Variants in NENF observed in about 807,000 individuals in gnomAD.
NENF encodes the protein neudesin.
NENF carries 6 observed loss-of-function variants against 14.8 expected under a neutral mutation model. That is an observed-to-expected ratio of 0.40 (90% CI 0.22 to 0.80). The LOEUF is 0.80. NENF is among the 30% of genes least tolerant of loss of function. The pLI is 0.34. For missense variants in NENF, 184 were observed against 212.7 expected (o/e 0.87, Z 0.84); for synonymous variants, 76 against 95.1 (o/e 0.80, Z 1.17).
rs1336073327 is a variant in NENF at position 212,446,298 on chromosome 1, T to C, written c.*292T>C. On this transcript the variant is annotated 3_prime_UTR_variant, in exon 4 of 4. Coordinates refer to ENST00000366988, the MANE Select transcript of NENF (RefSeq NM_013349.5). ...TTGAGCGACCTTTACTTTATACTTT[T>C]CTGTGCTTGACAGATTTTCAGCCAT... The C allele has an allele frequency of 3.1e-6, 1 of 324,412 alleles. No individual in the cohort carries two copies. The highest frequency in any genetic ancestry group is 7.0e-5 in the South Asian group (1 of 14,278). The allele number at this position is 324,412 out of a possible 1,614,324, so 20.1% of individuals were successfully genotyped here. A position where few individuals can be genotyped will look rare whatever the true frequency, so the allele number is the denominator to read the frequency against.
At chr1:212,443,566 T>A (rs1210175546) in intron 2 of NENF, among the ~76,000 whole-genome samples, 1 of 152,050 alleles carries the variant, frequency 6.6e-6, no homozygotes. Flanking sequence ...ATTTTTGTAT[T>A]TTTAGTAGAG....
chr1:212,443,109 T>C (rs779782542), intron 2 of NENF, among the ~76,000 whole-genome samples: 20 of 152,158 alleles, frequency 1.3e-4, no homozygotes, highest in Non-Finnish European at 2.4e-4. Flanking sequence ...GGGGCTTTTT[T>C]CCCCTGATAA....
intron 1 of NENF, among the ~76,000 whole-genome samples, chr1:212,438,736 C>A (rs1451637429): frequency 6.6e-6 from 1 of 151,758 alleles, no homozygotes. Context: ...TCTGCCTCAG[C>A]CTCCCCAGTA....
intron 3 of NENF, 42 bp from the exon 4 acceptor site, chr1:212,445,788 C>T (rs1481833850): frequency 6.2e-7 from 1 of 1,608,032 alleles, no homozygotes; most frequent in Non-Finnish European, 8.5e-7. Flanking sequence ...ACACTATCCA[C>T]TTAACCCCAT....
rs531437747 is a variant in NENF, at chr1:212,432,929, C to A, written c.-15C>A. 5.8e-6 allele frequency: 4 copies of A among 690,364 alleles called. No homozygotes were observed. In the South Asian group the frequency reaches 2.0e-4, roughly 34 times the overall value. The allele number at this position is 690,364 out of a possible 1,614,324, so 42.8% of individuals were successfully genotyped here. On this transcript the variant is annotated 5_prime_UTR_variant, in exon 1 of 4. Coordinates refer to ENST00000366988, the MANE Select transcript of NENF (RefSeq NM_013349.5). ...GCCGCCCTGGCCCGGCCTTGCCTTG[C>A]GCTGCGCGCTCACCATGGTGGGCCC...
chr1:212,432,941 A>T lies in NENF; in HGVS notation c.-3A>T. On this transcript the variant is annotated 5_prime_UTR_variant, in exon 1 of 4. Transcript: ENST00000366988. ...CGGCCTTGCCTTGCGCTGCGCGCTC[A>T]CCATGGTGGGCCCCGCGCCGCGGCG... The T allele has an allele frequency of 1.3e-6, 1 of 799,454 alleles. No homozygotes were observed. Among genetic ancestry groups the T allele is most frequent in the Non-Finnish European group, 1.6e-6 (1 of 639,258 alleles). 49.5% of individuals were successfully genotyped at this position (799,454 alleles called of 1,614,324 possible). A position where few individuals can be genotyped will look rare whatever the true frequency, so the allele number is the denominator to read the frequency against.
intron 3 of NENF, among the ~76,000 whole-genome samples, chr1:212,444,881 G>T (rs1422632045): frequency 6.6e-6 from 1 of 152,108 alleles, no homozygotes; most frequent in Admixed American, 6.6e-5. Flanking sequence ...GGCCATGCTT[G>T]GTAGCTTTGT....
intron 1 of NENF, among the ~76,000 whole-genome samples, chr1:212,436,596 C>G (rs892020086): frequency 3.3e-5 from 5 of 152,182 alleles, no homozygotes; most frequent in African/African-American, 1.2e-4. Context: ...GCGTAAGCCA[C>G]TGTACCCAGC....
intron 3 of NENF, 73 bp downstream of exon 3, chr1:212,444,515 T>G: frequency 4.2e-6 from 4 of 950,788 alleles, no homozygotes; most frequent in Non-Finnish European, 3.1e-6. Context: ...TTCTTTTTCT[T>G]TTCGTGTGTG....
intron 1 of NENF, among the ~76,000 whole-genome samples, chr1:212,440,067 C>T (rs886984563): frequency 6.6e-6 from 1 of 151,944 alleles, no homozygotes; most frequent in African/African-American, 2.4e-5. Context: ...GCCTGGCCAA[C>T]ATGGTGAAAC....
intron 1 of NENF, among the ~76,000 whole-genome samples, chr1:212,439,644 G>A (rs1662668884): frequency 7.4e-6 from 1 of 135,542 alleles, no homozygotes; most frequent in African/African-American, 2.8e-5. Flanking sequence ...AGGAGTTCTA[G>A]ACCAGCCTGG....
At chr1:212,442,673 C>T (rs1010383383) in intron 2 of NENF, 48 bp downstream of exon 2, 1 of 1,378,842 alleles carries the variant, frequency 7.3e-7, no homozygotes, top group Middle Eastern at 1.8e-4. Flanking sequence ...AGCACAGAAG[C>T]CAGAGTGAGC....
Position 212,442,610 on chromosome 1 carries a change from G to A in NENF, c.223G>A (p.Val75Ile). The A allele has an allele frequency of 6.2e-7, 1 of 1,613,570 alleles. No homozygotes were observed. The highest frequency in any genetic ancestry group is 1.3e-5 in the African/African-American group (1 of 75,040). ...GGCAGTGAAGGGAGTGGTGTTTGAT[G>A]TCACCTCCGGAAAGGGTAAGTGGTG... ...YLAVKGVVFD[V>I]TSGKEFYGRG... The change falls in exon 2 of 4, where the codon GTC (valine) becomes ATC (isoleucine). Residue 75 changes from valine to isoleucine, a missense_variant. By Grantham distance (29) the Val-to-Ile change is conservative (BLOSUM62 3). Transcript: ENST00000366988.
chr1:212,442,313 C>T (rs1018906863), intron 1 of NENF, among the ~76,000 whole-genome samples: 3 of 152,218 alleles, frequency 2.0e-5, no homozygotes, highest in African/African-American at 7.2e-5. Context: ...TGCCTGGCCC[C>T]TGATTTTCTC....
Position 212,446,112 on chromosome 1 carries a change from T to A in NENF, c.*106T>A. The A allele has an allele frequency of 9.2e-7, 1 of 1,082,018 alleles. No homozygotes were observed. Among genetic ancestry groups the A allele is most frequent in the Non-Finnish European group, 1.4e-6 (1 of 734,136 alleles). The allele number at this position is 1,082,018 out of a possible 1,614,324, so 67.0% of individuals were successfully genotyped here. The stretch of plus-strand genomic sequence containing the variant: ...CTGGAGGCCCTGAGCCACCCAGATC[T>A]GAATAAAACAGATGCTTACCCTGGA... On this transcript the variant is annotated 3_prime_UTR_variant, in exon 4 of 4. Transcript: ENST00000366988.
At chr1:212,443,637 A>C (rs762828997) in intron 2 of NENF, among the ~76,000 whole-genome samples, 1 of 151,994 alleles carries the variant, frequency 6.6e-6, no homozygotes, top group Non-Finnish European at 1.5e-5. Context: ...TGATCTGCCC[A>C]TCTTGGCTTC....
chr1:212,443,710 G>C (rs1241745893), intron 2 of NENF, among the ~76,000 whole-genome samples: 1 of 152,060 alleles, frequency 6.6e-6, no homozygotes, highest in Admixed American at 6.6e-5. Context: ...ATATTTTTAA[G>C]AGACTATTTT....
chr1:212,442,806 G>A (rs1465932369), intron 2 of NENF, among the ~76,000 whole-genome samples, 181 bp downstream of exon 2: 3 of 152,070 alleles, frequency 2.0e-5, no homozygotes, highest in African/African-American at 7.2e-5. Context: ...GCGGTGGCAC[G>A]ATCTTGGCTC....
intron 1 of NENF, among the ~76,000 whole-genome samples, chr1:212,437,169 C>T (rs758380215): frequency 1.3e-5 from 2 of 152,170 alleles, no homozygotes; most frequent in Non-Finnish European, 2.9e-5. Context: ...GAAACCTAGA[C>T]ATTTTTGTTT....
Sources: allele counts gnomAD v4.1 joint callset (sites outside exome capture counted in the v4.1 genomes callset), GRCh38; gene constraint gnomAD v4.1.1; transcripts MANE v1.5; gene names NCBI Gene and HGNC (gene_info 2026-07-23, HGNC 2026-07-21).